MYT1L: variants seen among roughly 807,000 people sequenced by gnomAD.
The protein encoded by MYT1L is myelin transcription factor 1-like protein.
A neutral mutation model predicts 126.7 loss-of-function variants in MYT1L; 12 were observed. The ratio of observed to expected loss-of-function variants is 0.09; its 90% CI spans 0.06 to 0.15. The LOEUF is 0.15. MYT1L is among the 10% of genes least tolerant of loss of function. MYT1L has a pLI of 1.00. For synonymous variants in MYT1L, 541 were observed against 604.2 expected (o/e 0.90, Z 1.53); for missense variants, 979 against 1,585.2 (o/e 0.62, Z 6.49).
At position 1,793,909 on chromosome 2, in the gene MYT1L, C is replaced by T. The variant is rs1210313085; in HGVS notation, c.3277-1445G>A. Among the ~76,000 whole-genome samples, 3 of 152,206 alleles carry T rather than the reference C, an allele frequency of 2.0e-5. 1 individual carries two copies. Among genetic ancestry groups the T allele is most frequent in the Non-Finnish European group, 1.5e-5 (1 of 68,044 alleles). On this transcript the variant is annotated intron_variant, in intron 23 of 24. Transcript: ENST00000647738. This position sits in a 1 kb window ranked among gnomAD's most constrained non-coding sequence, Gnocchi z 4.6. Reference sequence around the variant, plus strand: ...GGTGGGCCTCGAAGGGCTGCGTGCCCGGTGCTTGTCTTCCAGAGCGTTCTG... The same window carrying T: ...GGTGGGCCTCGAAGGGCTGCGTGCCTGGTGCTTGTCTTCCAGAGCGTTCTG...
chr2:2,204,596 A>G (rs1254994469), intron 2 of MYT1L, among the ~76,000 whole-genome samples: 1 of 143,384 alleles, frequency 7.0e-6, no homozygotes, highest in African/African-American at 2.8e-5. Context: ...GGCAATCATT[A>G]AAAAGTAAGG....
At chr2:1,921,996 G>A (rs1190862467) in intron 10 of MYT1L, among the ~76,000 whole-genome samples, 2 of 152,146 alleles carry the variant, frequency 1.3e-5, no homozygotes, top group African/African-American at 2.4e-5. Flanking sequence ...ATCAAGTGAT[G>A]TGTCTGTGCT....
At chr2:2,220,910 A>C (rs1384223325) in intron 2 of MYT1L, among the ~76,000 whole-genome samples, 4 of 152,154 alleles carry the variant, frequency 2.6e-5, no homozygotes, top group Non-Finnish European at 5.9e-5. Flanking sequence ...ATTGATGGTG[A>C]TGATTTGAAC....
chr2:2,142,519 C>T (rs1256056366), intron 3 of MYT1L, among the ~76,000 whole-genome samples: 1 of 152,086 alleles, frequency 6.6e-6, no homozygotes, highest in Non-Finnish European at 1.5e-5. Context: ...CGTCAACTCC[C>T]TGGGCTGTGT....
intron 19 of MYT1L, chr2:1,842,892 T>C (rs1023221748): frequency 1.8e-5 from 3 of 166,116 alleles, no homozygotes; most frequent in Admixed American, 1.4e-4. Context: ...CGCTTCCGCT[T>C]CCAGGCGCTT....
In MYT1L at chr2:2,068,769, G is replaced by GTTTTTTTTTTTTTT. The variant is rs55838351; in HGVS notation, c.-303-14660_-303-14647dup. Among the ~76,000 whole-genome samples, 17 of 26,194 alleles carry GTTTTTTTTTTTTTT rather than the reference G, an allele frequency of 6.5e-4. 4 individuals are homozygous for GTTTTTTTTTTTTTT. The highest frequency in any genetic ancestry group is 9.0e-4 in the Admixed American group (1 of 1,116). 17.2% of individuals were successfully genotyped at this position (26,194 alleles called of 152,430 possible). A position where few individuals can be genotyped will look rare whatever the true frequency, so the allele number is the denominator to read the frequency against. ...GGACACAGACACCTGTGTTCTTCTT[G>GTTTTTTTTTTTTTT]TTTTTTTTTTTTTTTTTTTTTTTTT... On this transcript the variant is annotated intron_variant, in intron 3 of 24. Coordinates refer to ENST00000647738, the MANE Select transcript of MYT1L (RefSeq NM_001303052.2).
intron 14 of MYT1L, among the ~76,000 whole-genome samples, chr2:1,898,910 T>A (rs2049976481): frequency 6.6e-6 from 1 of 151,988 alleles, no homozygotes; most frequent in Admixed American, 6.6e-5. Flanking sequence ...ATGAGCTGAG[T>A]CTGCAGCTGC....
chr2:2,296,020 C>T (rs191300149), intron 1 of MYT1L, among the ~76,000 whole-genome samples: 13 of 152,228 alleles, frequency 8.5e-5, no homozygotes, highest in Non-Finnish European at 1.8e-4. Flanking sequence ...CAAATACATA[C>T]AATCAAGCAA....
At chr2:2,202,516 A>G (rs1166958886) in intron 2 of MYT1L, among the ~76,000 whole-genome samples, 1 of 152,186 alleles carries the variant, frequency 6.6e-6, no homozygotes, top group Non-Finnish European at 1.5e-5. Context: ...AAACTAGAAA[A>G]CCTAGAAGAA....
intron 1 of MYT1L, among the ~76,000 whole-genome samples, chr2:2,299,852 G>A (rs960002417): frequency 1.3e-5 from 2 of 152,024 alleles, no homozygotes; most frequent in African/African-American, 2.4e-5. Context: ...TCTTTCACTT[G>A]TCAATCCCCA....
intron 2 of MYT1L, among the ~76,000 whole-genome samples, chr2:2,249,950 G>A (rs2094604089): frequency 6.6e-6 from 1 of 152,088 alleles, no homozygotes; most frequent in South Asian, 2.1e-4. Flanking sequence ...TCAGAGAAAT[G>A]CAAATCAAAG....
chr2:2,028,628 A>G (rs761019371), intron 4 of MYT1L, among the ~76,000 whole-genome samples: 12 of 152,196 alleles, frequency 7.9e-5, no homozygotes, highest in Non-Finnish European at 1.5e-4. Flanking sequence ...TGGTTCTGAA[A>G]TATGCTCTTG....
At chr2:2,277,293 A>C (rs2095376446) in intron 2 of MYT1L, among the ~76,000 whole-genome samples, 1 of 152,080 alleles carries the variant, frequency 6.6e-6, no homozygotes, top group Admixed American at 6.6e-5. Context: ...AATTTTCCAA[A>C]ATGCTCCATC....
At chr2:1,891,795 C>T (rs997825929) in intron 15 of MYT1L, among the ~76,000 whole-genome samples, 1 of 152,348 alleles carries the variant, frequency 6.6e-6, no homozygotes, top group South Asian at 2.1e-4. Context: ...CATTCACGCA[C>T]GTTCATCTAC....
At chr2:2,108,799 T>G (rs2079046957) in intron 3 of MYT1L, among the ~76,000 whole-genome samples, 1 of 152,226 alleles carries the variant, frequency 6.6e-6, no homozygotes, top group South Asian at 2.1e-4. Flanking sequence ...TTTTTCTTTT[T>G]CGATGTGGAA....
chr2:1,966,544 C>T (rs1212210284), intron 8 of MYT1L, among the ~76,000 whole-genome samples: 2 of 152,172 alleles, frequency 1.3e-5, no homozygotes, highest in Non-Finnish European at 2.9e-5. Flanking sequence ...AGCAATTCTC[C>T]TCCTGGTCAT....
At chr2:2,084,921 G>A (rs1015500649) in intron 3 of MYT1L, among the ~76,000 whole-genome samples, 4 of 152,150 alleles carry the variant, frequency 2.6e-5, no homozygotes, top group Admixed American at 1.3e-4. Context: ...TGCACTCAGC[G>A]CAGCCATGTG....
At chr2:2,157,915 G>C (rs926647103) in intron 3 of MYT1L, among the ~76,000 whole-genome samples, 2 of 152,114 alleles carry the variant, frequency 1.3e-5, no homozygotes, top group African/African-American at 4.8e-5. Flanking sequence ...CGGATCCACA[G>C]AGCCAGACTC....
rs1200901568 is a variant in MYT1L, at chr2:2,059,069, A to G, written c.-303-4946T>C. On this transcript the variant is annotated intron_variant, in intron 3 of 24. Coordinates refer to ENST00000647738, the MANE Select transcript of MYT1L (RefSeq NM_001303052.2). The surrounding 1 kb of genome is among the most constrained non-coding windows in gnomAD (Gnocchi z 4.7). ...AATTGGGTCATGTCTGCTGTTTGAG[A>G]GAAGGAAGAATTCACTCAGTCTTAT... Among the ~76,000 whole-genome samples the G allele has an allele frequency of 6.6e-6, 1 of 152,182 alleles. No homozygotes were observed. The highest frequency in any genetic ancestry group is 1.9e-4 in the East Asian group (1 of 5,188).
Sources: allele counts gnomAD v4.1 joint callset (sites outside exome capture counted in the v4.1 genomes callset), GRCh38; gene constraint gnomAD v4.1.1; non-coding constraint Gnocchi (gnomAD v3.1); transcripts MANE v1.5; gene names NCBI Gene and HGNC (gene_info 2026-07-23, HGNC 2026-07-21).